SMYD3: variants seen among roughly 807,000 people sequenced by gnomAD.
The protein encoded by SMYD3 is SET and MYND domain containing 3.
A neutral mutation model predicts 57.7 loss-of-function variants in SMYD3; 36 were observed. That is an observed-to-expected ratio of 0.62 (90% CI 0.48 to 0.82). The LOEUF (loss-of-function observed/expected upper bound fraction) is 0.82, where lower values mean the gene tolerates loss of function less well. Ranked by LOEUF, SMYD3 falls within the 40% of genes least tolerant of loss-of-function variation. The probability of loss-of-function intolerance (pLI) is 0.00; values close to 1 mark genes in which losing one functional copy is unlikely to be tolerated. For synonymous variants in SMYD3, 211 were observed against 195.0 expected, an observed-to-expected ratio of 1.08 and a Z score of -0.68; for missense variants, 515 against 538.8, an observed-to-expected ratio of 0.96 and a Z score of 0.44.
chr1:245,762,258 C>T (rs1478992854), intron 11 of SMYD3, among the ~76,000 whole-genome samples: 1 of 152,214 alleles, frequency 6.6e-6, no homozygotes, highest in African/African-American at 2.4e-5. Context: ...CCTCACACAG[C>T]TGTCACCTGT....
intron 5 of SMYD3, among the ~76,000 whole-genome samples, chr1:246,250,685 CAA>C (rs2063784195): frequency 6.6e-6 from 1 of 152,018 alleles, no homozygotes; most frequent in Non-Finnish European, 1.5e-5. Context: ...TCAAACAAAA[CAA>C]GAAAAAAATT....
At chr1:246,238,352 A>G (rs1347662594) in intron 5 of SMYD3, among the ~76,000 whole-genome samples, 1 of 152,136 alleles carries the variant, frequency 6.6e-6, no homozygotes, top group Non-Finnish European at 1.5e-5. Flanking sequence ...ATGCATTCCT[A>G]TATTTACTTC....
chr1:245,949,685 T>A (rs1188856827), intron 5 of SMYD3, among the ~76,000 whole-genome samples: 1 of 152,134 alleles, frequency 6.6e-6, no homozygotes, highest in Non-Finnish European at 1.5e-5. Context: ...GGCACACACC[T>A]GTAGTCCCAG....
At chr1:245,759,517 C>A (rs1055230393) in intron 11 of SMYD3, among the ~76,000 whole-genome samples, 1 of 152,190 alleles carries the variant, frequency 6.6e-6, no homozygotes, top group Non-Finnish European at 1.5e-5. Flanking sequence ...AATAGGGACA[C>A]AACCAAAGAG....
Position 246,481,607 on chromosome 1 carries a change from T to TATATATATATAC in SMYD3, c.164+25446_164+25447insGTATATATATAT, listed in dbSNP as rs1156393004. On this transcript the variant is annotated intron_variant, in intron 1 of 11. Coordinates refer to ENST00000490107, the MANE Select transcript of SMYD3 (RefSeq NM_001167740.2). ...TTCTCAGGCTCCATATATATATATATACACATACATATATACATACATACA... is the reference window on the plus strand; with the variant it reads ...TTCTCAGGCTCCATATATATATATATATATATATATACACACATACATATATACATACATACA... 1.0e-3 allele frequency among the ~76,000 whole-genome samples: 65 copies of TATATATATATAC among 61,960 alleles called. 9 individuals carry two copies. In the Middle Eastern group the frequency reaches 0.021, roughly 20 times the overall value. The allele number at this position is 61,960 out of a possible 152,430, so 40.6% of individuals were successfully genotyped here.
At chr1:246,138,477 G>A (rs1222072256) in intron 5 of SMYD3, among the ~76,000 whole-genome samples, 1 of 138,472 alleles carries the variant, frequency 7.2e-6, no homozygotes, top group Admixed American at 7.6e-5. Flanking sequence ...CCAGGCTGGA[G>A]TGCAGTGGCG....
chr1:245,934,819 G>T (rs2056909849), intron 5 of SMYD3, among the ~76,000 whole-genome samples: 1 of 152,168 alleles, frequency 6.6e-6, no homozygotes, highest in Admixed American at 6.5e-5. Flanking sequence ...TTGCCAGGAA[G>T]TTGCTGGAGG....
chr1:246,245,583 T>C (rs997702565), intron 5 of SMYD3, among the ~76,000 whole-genome samples: 5 of 150,564 alleles, frequency 3.3e-5, no homozygotes, highest in African/African-American at 7.3e-5. Context: ...AAATAGAAAT[T>C]TTACAAATCA....
At chr1:245,919,379 CAT>C (rs1437205200) in intron 7 of SMYD3, among the ~76,000 whole-genome samples, 1 of 152,288 alleles carries the variant, frequency 6.6e-6, no homozygotes, top group East Asian at 1.9e-4. Context: ...ACCATGCCAA[CAT>C]GTGTCTGGGC....
At chr1:246,365,493 T>A (rs2066084212) in intron 1 of SMYD3, among the ~76,000 whole-genome samples, 1 of 90,484 alleles carries the variant, frequency 1.1e-5, no homozygotes, top group Non-Finnish European at 2.2e-5. Context: ...AGACCCTGTC[T>A]AAAAAAAAAA....
chr1:246,095,982 A>T (rs1452195108), intron 5 of SMYD3, among the ~76,000 whole-genome samples: 1 of 152,226 alleles, frequency 6.6e-6, no homozygotes, highest in African/African-American at 2.4e-5. Context: ...AAATATCCAT[A>T]CAAAGACACC....
At chr1:246,187,126 T>C (rs7514906) in intron 5 of SMYD3, among the ~76,000 whole-genome samples, 66,710 of 152,048 alleles carry the variant, frequency 0.44, 17,389 homozygotes, top group African/African-American at 0.72. Flanking sequence ...AGGTGGCTCA[T>C]GCCTGTAATC....
chr1:246,071,184 A>T (rs2060435652), intron 5 of SMYD3, among the ~76,000 whole-genome samples: 1 of 152,212 alleles, frequency 6.6e-6, no homozygotes, highest in African/African-American at 2.4e-5. Context: ...TGTTGCAGAT[A>T]TATATACAAT....
chr1:246,346,427 T>C (rs945472517), intron 2 of SMYD3, among the ~76,000 whole-genome samples: 4 of 152,120 alleles, frequency 2.6e-5, no homozygotes, highest in African/African-American at 9.7e-5. Flanking sequence ...CATACTGTAT[T>C]AGTACATTCT....
intron 5 of SMYD3, among the ~76,000 whole-genome samples, chr1:246,173,860 G>A (rs1034034127): frequency 6.6e-6 from 1 of 152,084 alleles, no homozygotes; most frequent in Non-Finnish European, 1.5e-5. Context: ...TGGCTGAAGT[G>A]CAGTAGCGGG....
intron 5 of SMYD3, among the ~76,000 whole-genome samples, chr1:245,943,535 C>T (rs1027715966): frequency 2.2e-4 from 33 of 152,170 alleles, no homozygotes; most frequent in Admixed American, 6.5e-4. Flanking sequence ...ATATTGACAG[C>T]TGAATTCTAC....
At chr1:246,284,455 C>G (rs1187704988) in intron 5 of SMYD3, among the ~76,000 whole-genome samples, 1 of 149,276 alleles carries the variant, frequency 6.7e-6, no homozygotes, top group Non-Finnish European at 1.5e-5. Flanking sequence ...CTCACTCTTT[C>G]GCCCAGACCA....
At chr1:246,459,910 C>A (rs1427205562) in intron 1 of SMYD3, among the ~76,000 whole-genome samples, 1 of 127,374 alleles carries the variant, frequency 7.9e-6, no homozygotes, top group Non-Finnish European at 1.6e-5. Flanking sequence ...GGAAACCATT[C>A]CGCCACCCAA....
chr1:246,318,778 C>G (rs1396261806), intron 5 of SMYD3, among the ~76,000 whole-genome samples: 1 of 152,158 alleles, frequency 6.6e-6, no homozygotes, highest in Non-Finnish European at 1.5e-5. Flanking sequence ...AAAGCATTAG[C>G]CTTACATAAG....
Sources: allele counts gnomAD v4.1 joint callset (sites outside exome capture counted in the v4.1 genomes callset), GRCh38; gene constraint gnomAD v4.1.1; transcripts MANE v1.5; gene names NCBI Gene and HGNC (gene_info 2026-07-23, HGNC 2026-07-21).